Variants in RAB17 observed in about 807,000 individuals in gnomAD.
RAB17 encodes ras-related protein Rab-17.
Under a neutral mutation model 19.3 loss-of-function variants are expected in RAB17, and 15 were observed. The ratio of observed to expected loss-of-function variants is 0.78; its 90% CI spans 0.52 to 1.20. The LOEUF is 1.20. Ranked by LOEUF, RAB17 falls within the 50% of genes most tolerant of loss-of-function variation. The probability of loss-of-function intolerance (pLI) is 0.00; values close to 1 mark genes in which losing one functional copy is unlikely to be tolerated. For synonymous variants in RAB17, 110 were observed against 112.8 expected (o/e 0.97, Z 0.16); for missense variants, 262 against 269.3 (o/e 0.97, Z 0.19).
Position 237,577,989 on chromosome 2 carries a change from C to T in RAB17, c.309+15G>A, listed in dbSNP as rs1228053961. 3 of 1,587,250 alleles carry T rather than the reference C, an allele frequency of 1.9e-6. No individual in the cohort carries two copies. The highest frequency in any genetic ancestry group is 1.7e-6 in the Non-Finnish European group (2 of 1,160,552). Reference sequence around the variant, plus strand: ...TTGGGAAGGAGGGTGGGACGTGCCTCAAGGCGGGCCCTACCTTCCTGGTGA... The same window carrying T: ...TTGGGAAGGAGGGTGGGACGTGCCTTAAGGCGGGCCCTACCTTCCTGGTGA... On this transcript the variant is annotated intron_variant, in intron 3 of 5. Coordinates refer to ENST00000264601, the MANE Select transcript of RAB17 (RefSeq NM_022449.4).
chr2:237,574,543 C>T lies in RAB17; in HGVS notation c.*476G>A. ...ATGTGGAAATCCTGGGCCCACCCCACAGTCAGTCATCGCTCCATTTCTTCC... is the reference window on the plus strand; with the variant it reads ...ATGTGGAAATCCTGGGCCCACCCCATAGTCAGTCATCGCTCCATTTCTTCC... On this transcript the variant is annotated 3_prime_UTR_variant, in exon 6 of 6. Transcript: ENST00000264601. The T allele has an allele frequency of 1.3e-6, 2 of 1,550,480 alleles. No individual in the cohort carries two copies. The highest frequency in any genetic ancestry group is 1.7e-6 in the Non-Finnish European group (2 of 1,146,904).
chr2:237,585,126 G>A (rs1268759523), intron 2 of RAB17, among the ~76,000 whole-genome samples: 1 of 152,104 alleles, frequency 6.6e-6, no homozygotes, highest in Non-Finnish European at 1.5e-5. Context: ...TGGTGCATCT[G>A]TTTAGCTGGT....
chr2:237,586,076 T>C lies in RAB17; in HGVS notation c.79A>G (p.Ser27Gly). The change falls in exon 2 of 6, where the codon AGT (serine) becomes GGT (glycine). Residue 27 changes from serine (S) to glycine (G), a missense_variant. Ser to Gly is a moderately conservative substitution (Grantham distance 56). Coordinates refer to ENST00000264601, the MANE Select transcript of RAB17 (RefSeq NM_022449.4). The stretch of plus-strand genomic sequence containing the variant: ...AAGCTGGACTTACCCACGGAGCCAC[T>C]TCCCAGGAGAACCAGCTTGAACACA... Reference protein sequence around the residue: ...PRVFKLVLLGSGSVGKSSLAL... With the variant: ...PRVFKLVLLGGGSVGKSSLAL... 3 of 1,613,688 alleles carry C rather than the reference T, an allele frequency of 1.9e-6. No homozygotes were observed. Among genetic ancestry groups the C allele is most frequent in the Non-Finnish European group, 1.7e-6 (2 of 1,179,828 alleles).
At chr2:237,577,141 A>C in intron 4 of RAB17, 116 bp downstream of exon 4, 2 of 1,270,484 alleles carry the variant, frequency 1.6e-6, no homozygotes. Flanking sequence ...GCACATGTGT[A>C]AGTGTGTGCG....
At chr2:237,576,460 C>T (rs900320200) in intron 4 of RAB17, 20 of 410,544 alleles carry the variant, frequency 4.9e-5, no homozygotes, top group South Asian at 3.6e-4. Context: ...AACGAGGGCT[C>T]AGACTGACGC....
At chr2:237,583,732 T>G (rs2081325966) in intron 2 of RAB17, among the ~76,000 whole-genome samples, 1 of 152,164 alleles carries the variant, frequency 6.6e-6, no homozygotes, top group African/African-American at 2.4e-5. Flanking sequence ...CACCCACCAG[T>G]TCTGGGTGAA....
chr2:237,577,438 A>C, intron 3 of RAB17, 56 bp from the exon 4 acceptor site: 1 of 1,540,790 alleles, frequency 6.5e-7, no homozygotes, highest in Non-Finnish European at 8.8e-7. Context: ...GTCATTAGCT[A>C]TTCCGGGAGG....
chr2:237,583,169 C>T (rs1439555172), intron 2 of RAB17, among the ~76,000 whole-genome samples: 1 of 152,098 alleles, frequency 6.6e-6, no homozygotes, highest in East Asian at 1.9e-4. Flanking sequence ...AAAACCCTAT[C>T]TCTACAAAAA....
chr2:237,580,465 GCA>G (rs561305522), intron 2 of RAB17, among the ~76,000 whole-genome samples: 1 of 152,128 alleles, frequency 6.6e-6, no homozygotes, highest in African/African-American at 2.4e-5. Flanking sequence ...TGGAGGCTGG[GCA>G]CAGTGGCTCA....
At position 237,586,144 on chromosome 2, in the gene RAB17, G is replaced by T; in HGVS notation, c.11C>A (p.Ala4Glu). 1 of 1,598,388 alleles carries T rather than the reference G, an allele frequency of 6.3e-7. No individual in the cohort carries two copies. The highest frequency in any genetic ancestry group is 8.5e-7 in the Non-Finnish European group (1 of 1,174,066). The change falls in exon 2 of 6, where the codon GCA becomes GAA. Residue 4 changes from alanine to glutamate, a missense_variant. Coordinates refer to ENST00000264601, the MANE Select transcript of RAB17 (RefSeq NM_022449.4). MAQ[A>E]HRTPQPRAAP... is the part of the protein sequence containing the mutation. Reference sequence around the variant, plus strand: ...AGCCCTGGGCTGGGGGGTCCTGTGTGCCTGTGCCATGCCCTGCAAAGAATC... The same window carrying T: ...AGCCCTGGGCTGGGGGGTCCTGTGTTCCTGTGCCATGCCCTGCAAAGAATC...
At chr2:237,586,743 C>T (rs1315961109) in intron 1 of RAB17, among the ~76,000 whole-genome samples, 1 of 152,126 alleles carries the variant, frequency 6.6e-6, no homozygotes, top group Non-Finnish European at 1.5e-5. Context: ...GCGACCCCTG[C>T]GTATTTTTCA....
intron 1 of RAB17, among the ~76,000 whole-genome samples, chr2:237,586,785 G>C (rs1655087145): frequency 6.6e-6 from 1 of 152,248 alleles, no homozygotes; most frequent in African/African-American, 2.4e-5. Context: ...CACCACAATA[G>C]AGAGAACGGT....
chr2:237,578,213 A>G (rs879411472), intron 2 of RAB17, 58 bp from the exon 3 acceptor site: 23 of 1,538,768 alleles, frequency 1.5e-5, no homozygotes, highest in Middle Eastern at 1.7e-4. Context: ...CATGCGGCTC[A>G]GGTGGGACCA....
intron 5 of RAB17, 90 bp from the exon 6 acceptor site, chr2:237,575,218 C>G (rs2081252204): frequency 2.3e-5 from 27 of 1,172,302 alleles, no homozygotes; most frequent in Non-Finnish European, 3.3e-5. Context: ...GGACCCGCCC[C>G]TCCTGTGTTT....
intron 1 of RAB17, among the ~76,000 whole-genome samples, chr2:237,587,126 G>A (rs1213427180): frequency 2.0e-5 from 3 of 152,216 alleles, no homozygotes; most frequent in African/African-American, 7.2e-5. Flanking sequence ...TGGCAAGATT[G>A]CCATGAGAGT....
chr2:237,583,499 T>C (rs1574936314), intron 2 of RAB17, among the ~76,000 whole-genome samples: 1 of 152,104 alleles, frequency 6.6e-6, no homozygotes, highest in Non-Finnish European at 1.5e-5. Flanking sequence ...AGGAAGGAGC[T>C]TCCACATTTC....
In RAB17 at chr2:237,578,095, T is replaced by A; in HGVS notation, c.218A>T (p.Asp73Val). ...GATSLKLEIWDTAGQEKYHSV... is the reference protein window; with the variant it reads ...GATSLKLEIWVTAGQEKYHSV... ...GTGGTACTTCTCCTGGCCAGCTGTGTCCCAGATCTCAAGCTTCAGAGAGGT... is the reference window on the plus strand; with the variant it reads ...GTGGTACTTCTCCTGGCCAGCTGTGACCCAGATCTCAAGCTTCAGAGAGGT... Residue 73 changes from aspartate to valine, a missense_variant, in exon 3 of 6, where the codon GAC becomes GTC. Coordinates refer to ENST00000264601, the MANE Select transcript of RAB17 (RefSeq NM_022449.4). The A allele has an allele frequency of 6.2e-7, 1 of 1,613,834 alleles. No individual in the cohort carries two copies. The highest frequency in any genetic ancestry group is 8.5e-7 in the Non-Finnish European group (1 of 1,179,736).
intron 3 of RAB17, chr2:237,577,633 C>T (rs1163133240): frequency 6.0e-6 from 3 of 498,574 alleles, no homozygotes; most frequent in African/African-American, 1.9e-5. Context: ...GCCCAGGAGA[C>T]TGCCAGCCAC....
At chr2:237,576,495 TC>T in intron 4 of RAB17, 1 of 447,138 alleles carries the variant, frequency 2.2e-6, no homozygotes, top group East Asian at 7.1e-5. Context: ...CCCCTTGCTC[TC>T]CCCCGAGATT....
Sources: gnomAD v4.1 joint callset for allele counts (sites outside exome capture counted in the v4.1 genomes callset) on GRCh38, gnomAD v4.1.1 for gene constraint, MANE v1.5 for transcripts, NCBI Gene and HGNC (gene_info 2026-07-23, HGNC 2026-07-21) for gene names.